Variants in ASTN2 observed in about 807,000 individuals in gnomAD.
ASTN2 encodes the protein astrotactin 2.
A neutral mutation model predicts 139.8 loss-of-function variants in ASTN2; 54 were observed. The ratio of observed to expected loss-of-function variants is 0.39; its 90% confidence interval spans 0.31 to 0.48. The LOEUF is 0.48. Ranked by LOEUF, ASTN2 falls within the 20% of genes least tolerant of loss-of-function variation. The pLI, the probability that ASTN2 is intolerant of heterozygous loss-of-function variation, is 0.95. For missense variants in ASTN2, 1,565 were observed against 1,725.1 expected, an observed-to-expected ratio of 0.91 and a Z score of 1.64; for synonymous variants, 756 against 719.5, an observed-to-expected ratio of 1.05 and a Z score of -0.81.
chr9:116,776,017 G>C (rs73519456), intron 13 of ASTN2, among the ~76,000 whole-genome samples: 1 of 152,080 alleles, frequency 6.6e-6, no homozygotes, highest in Non-Finnish European at 1.5e-5. Context: ...CCTGCATAAG[G>C]GTGCCCCACT....
intron 19 of ASTN2, among the ~76,000 whole-genome samples, chr9:116,570,544 C>T (rs62576092): frequency 0.16 from 24,544 of 152,020 alleles, 2,151 homozygotes; most frequent in African/African-American, 0.22. Context: ...TACCGGCGCC[C>T]GCCACCATGC....
intron 13 of ASTN2, among the ~76,000 whole-genome samples, chr9:116,749,084 C>A (rs990506387): frequency 6.6e-6 from 1 of 151,990 alleles, no homozygotes; most frequent in East Asian, 1.9e-4. Context: ...CTTTCCTGGA[C>A]CTTTGTTTCC....
intron 20 of ASTN2, among the ~76,000 whole-genome samples, chr9:116,479,003 A>G (rs1035143218): frequency 6.6e-6 from 1 of 150,730 alleles, no homozygotes; most frequent in Non-Finnish European, 1.5e-5. Context: ...AAAAAAAAAA[A>G]AAAAAAAAAA....
chr9:117,112,786 T>G (rs1483709348), intron 4 of ASTN2, among the ~76,000 whole-genome samples: 1 of 152,154 alleles, frequency 6.6e-6, no homozygotes, highest in Non-Finnish European at 1.5e-5. Flanking sequence ...AAAGATCTTC[T>G]TCTTCAAAAG....
At chr9:117,148,540 A>T (rs997810946) in intron 3 of ASTN2, among the ~76,000 whole-genome samples, 1 of 152,160 alleles carries the variant, frequency 6.6e-6, no homozygotes, top group African/African-American at 2.4e-5. Flanking sequence ...CCAAGAGATA[A>T]ACTCATCATA....
At chr9:116,443,688 A>G (rs2118887094) in intron 20 of ASTN2, among the ~76,000 whole-genome samples, 1 of 152,282 alleles carries the variant, frequency 6.6e-6, no homozygotes, top group Non-Finnish European at 1.5e-5. Flanking sequence ...AGATGATGTG[A>G]GCCTTAGAGG....
chr9:116,976,615 G>T, intron 8 of ASTN2, 86 bp downstream of exon 8: 1 of 1,158,510 alleles, frequency 8.6e-7, no homozygotes, highest in Non-Finnish European at 1.3e-6. Context: ...CCTCTTTGTG[G>T]AGATGCTTGG....
At chr9:117,212,887 A>G (rs1299401061) in intron 3 of ASTN2, among the ~76,000 whole-genome samples, 1 of 152,210 alleles carries the variant, frequency 6.6e-6, no homozygotes, top group Non-Finnish European at 1.5e-5. Context: ...GGTCCTCTAA[A>G]AACTACAAAA....
At chr9:116,499,386 A>G (rs143795742) in intron 19 of ASTN2, among the ~76,000 whole-genome samples, 9 of 152,246 alleles carry the variant, frequency 5.9e-5, no homozygotes, top group Non-Finnish European at 1.3e-4. Context: ...ACGTGTGGAC[A>G]ACTAATGTTC....
chr9:116,692,327 G>C (rs1860611094), intron 16 of ASTN2, among the ~76,000 whole-genome samples: 1 of 152,202 alleles, frequency 6.6e-6, no homozygotes, highest in Non-Finnish European at 1.5e-5. Context: ...CTTGGGTACA[G>C]TCTGCTGAAA....
intron 10 of ASTN2, among the ~76,000 whole-genome samples, chr9:116,919,691 A>G (rs916492174): frequency 1.1e-4 from 16 of 140,892 alleles, no homozygotes; most frequent in Non-Finnish European, 2.2e-4. Flanking sequence ...CACACCTGTA[A>G]TCAGCCCTTT....
At chr9:117,282,757 A>T (rs1834354932) in intron 2 of ASTN2, among the ~76,000 whole-genome samples, 1 of 148,450 alleles carries the variant, frequency 6.7e-6, no homozygotes, top group African/African-American at 2.6e-5. Context: ...CTTCAGCCAA[A>T]GTACCAGAAG....
At chr9:117,123,575 AACAC>A (rs1829613403) in intron 4 of ASTN2, among the ~76,000 whole-genome samples, 1 of 152,234 alleles carries the variant, frequency 6.6e-6, no homozygotes, top group South Asian at 2.1e-4. Context: ...ATACAATGAC[AACAC>A]ACGATGCTAG....
intron 2 of ASTN2, among the ~76,000 whole-genome samples, chr9:117,250,698 C>G (rs1240899359): frequency 6.6e-6 from 1 of 152,168 alleles, no homozygotes; most frequent in Non-Finnish European, 1.5e-5. Context: ...TGCCAAAACA[C>G]TGGCTCCATT....
chr9:116,872,660 A>G (rs553008808), intron 10 of ASTN2, among the ~76,000 whole-genome samples: 1 of 152,308 alleles, frequency 6.6e-6, no homozygotes, highest in Non-Finnish European at 1.5e-5. Context: ...CCTTGGAAGT[A>G]GGAGCTCAGA....
intron 10 of ASTN2, among the ~76,000 whole-genome samples, chr9:116,864,331 C>A (rs1832965231): frequency 6.6e-6 from 1 of 152,094 alleles, no homozygotes; most frequent in African/African-American, 2.4e-5. Flanking sequence ...CCTCCAGGGC[C>A]CTAGATCCTT....
At chr9:117,282,194 G>T (rs144066160) in intron 2 of ASTN2, among the ~76,000 whole-genome samples, 1,629 of 151,860 alleles carry the variant, frequency 0.011, 27 homozygotes, top group African/African-American at 0.037. Flanking sequence ...ATTTCTCTCC[G>T]TCTCTAGTAA....
Position 117,225,535 on chromosome 9 carries a change from GTATA to G in ASTN2, c.631-10797_631-10794del, listed in dbSNP as rs58184768. Among the ~76,000 whole-genome samples the G allele has an allele frequency of 6.4e-3, 408 of 63,912 alleles. 59 individuals carry two copies. In the East Asian group the frequency reaches 0.076, roughly 12 times the overall value. 41.9% of individuals were successfully genotyped at this position (63,912 alleles called of 152,430 possible). ...CAAGACCAGCCTGGCCAAGCTGTAT[GTATA>G]TATATATATATATATATATATATAT... On this transcript the variant is annotated intron_variant, in intron 2 of 22. Transcript: ENST00000313400.
chr9:116,739,138 C>T (rs1829026152), intron 13 of ASTN2, among the ~76,000 whole-genome samples: 1 of 152,144 alleles, frequency 6.6e-6, no homozygotes, highest in South Asian at 2.1e-4. Flanking sequence ...AGATCTTGGG[C>T]CCCGGGGACT....
Sources: allele counts gnomAD v4.1 joint callset (sites outside exome capture counted in the v4.1 genomes callset), GRCh38; gene constraint gnomAD v4.1.1; transcripts MANE v1.5; gene names NCBI Gene and HGNC (gene_info 2026-07-23, HGNC 2026-07-21).